Variants in SESN1 observed in about 807,000 individuals in gnomAD.
The protein encoded by SESN1 is sestrin-1.
Under a neutral mutation model 59.3 loss-of-function variants are expected in SESN1, and 30 were observed. The ratio of observed to expected loss-of-function variants is 0.51; its 90% CI spans 0.38 to 0.69. SESN1 has a LOEUF of 0.69. Among genes scored for constraint, SESN1 ranks in the 30% least tolerant of loss-of-function variants. The pLI is 0.00. For synonymous variants in SESN1, 197 were observed against 219.9 expected (o/e 0.90, Z 0.92); for missense variants, 566 against 673.0 (o/e 0.84, Z 1.76).
Position 109,003,715 on chromosome 6 carries a change from TA to T in SESN1, c.280-1373del, listed in dbSNP as rs149260263. 5.8e-3 allele frequency among the ~76,000 whole-genome samples: 890 copies of T among 152,332 alleles called. 8 individuals are homozygous for T. Among genetic ancestry groups the T allele is most frequent in the African/African-American group, 0.02 (835 of 41,574 alleles). ...TCTGGCCACGTGTGTGTCTCAATTT[TA>T]ACATCCTGTAATGAATGCCAGAGGA... On this transcript the variant is annotated intron_variant, in intron 1 of 9. Coordinates refer to ENST00000436639, the MANE Select transcript of SESN1 (RefSeq NM_014454.3).
Position 108,994,507 on chromosome 6 carries a change from G to A in SESN1, c.1075C>T (p.Arg359Cys). 6.2e-7 allele frequency: 1 copy of A among 1,612,674 alleles called. No homozygotes were observed. The highest frequency in any genetic ancestry group is 8.5e-7 in the Non-Finnish European group (1 of 1,179,296). Residue 359 changes from arginine (R) to cysteine (C), a missense_variant, in exon 6 of 10, where the codon CGT (arginine) becomes TGT (cysteine). By Grantham distance (180) the Arg-to-Cys change is radical. Transcript: ENST00000436639. Reference sequence around the variant, plus strand: ...CTCTCTCTTTTTTCTATTTCAAAACGTGAAGCCATCTCTTCCTGACTTGCC... The same window carrying A: ...CTCTCTCTTTTTTCTATTTCAAAACATGAAGCCATCTCTTCCTGACTTGCC... ...EEASQEEMAS[R>C]FEIEKRESMF... is the part of the protein sequence containing the mutation.
chr6:109,051,682 T>G (rs1347923843), intron 1 of SESN1, among the ~76,000 whole-genome samples: 1 of 152,248 alleles, frequency 6.6e-6, no homozygotes, highest in African/African-American at 2.4e-5. Flanking sequence ...CTCCATTTTG[T>G]GCCACTGTAA....
At chr6:109,059,930 G>A (rs1439550757) in intron 1 of SESN1, among the ~76,000 whole-genome samples, 1 of 152,138 alleles carries the variant, frequency 6.6e-6, no homozygotes, top group Non-Finnish European at 1.5e-5. Context: ...AACTCCACCA[G>A]AGGCAAAACA....
chr6:109,030,429 GAA>G (rs1384823908), intron 1 of SESN1, among the ~76,000 whole-genome samples: 3 of 152,168 alleles, frequency 2.0e-5, no homozygotes, highest in Non-Finnish European at 4.4e-5. Context: ...ATACCAAGGG[GAA>G]AAGACAGTAG....
Position 109,014,511 on chromosome 6 carries a change from T to C in SESN1, c.280-12168A>G, listed in dbSNP as rs554468546. On this transcript the variant is annotated intron_variant, in intron 1 of 9. Transcript: ENST00000436639. ...GTTGCTGCATTTACCGAATATATAT[T>C]TACAATTTTGATAACTGTGTATTCA... Among the ~76,000 whole-genome samples the C allele has an allele frequency of 2.2e-4, 34 of 152,320 alleles. No individual in the cohort carries two copies. The East Asian group carries it at 4.2e-3, about 19-fold the overall frequency.
chr6:109,053,046 ATGTGTGTGTGTG>A (rs148045407), intron 1 of SESN1, among the ~76,000 whole-genome samples: 2 of 147,330 alleles, frequency 1.4e-5, no homozygotes, highest in Non-Finnish European at 1.5e-5. Flanking sequence ...CAAGACTAGG[ATGTGTGTGTGTG>A]TGTGTGTGCG....
chr6:109,056,261 G>A (rs533591023), intron 1 of SESN1, among the ~76,000 whole-genome samples: 246 of 152,256 alleles, frequency 1.6e-3, no homozygotes, highest in Non-Finnish European at 3.0e-3. Flanking sequence ...TTAAAAATTA[G>A]CGAGGCATGG....
At chr6:109,083,865 G>C in intron 1 of SESN1, among the ~76,000 whole-genome samples, 1 of 152,230 alleles carries the variant, frequency 6.6e-6, no homozygotes, top group Non-Finnish European at 1.5e-5. Context: ...AATAGCATTT[G>C]AAAAATTACT....
chr6:108,990,111 A>G (rs565498094), intron 8 of SESN1, among the ~76,000 whole-genome samples: 2 of 152,352 alleles, frequency 1.3e-5, no homozygotes, highest in South Asian at 4.1e-4. Flanking sequence ...GTTTGTGTGC[A>G]TGTGTGAGAA....
chr6:108,998,406 CCA>C lies in SESN1; in HGVS notation c.972+105_972+106del, dbSNP rs1779542863. ...GAATAGATATAGGGGCCCAATATCT[CCA>C]CAGTCTTAACAGGGTGGGTTTTTCT... On this transcript the variant is annotated intron_variant, in intron 5 of 9. Coordinates refer to ENST00000436639, the MANE Select transcript of SESN1 (RefSeq NM_014454.3). The C allele has an allele frequency of 1.4e-5, 19 of 1,362,366 alleles. No homozygotes were observed. In the South Asian group the frequency reaches 2.0e-4, roughly 14 times the overall value. 84.4% of individuals were successfully genotyped at this position (1,362,366 alleles called of 1,614,324 possible).
intron 1 of SESN1, among the ~76,000 whole-genome samples, chr6:109,058,841 C>A (rs555520624): frequency 1.4e-5 from 2 of 144,414 alleles, no homozygotes; most frequent in East Asian, 4.3e-4. Flanking sequence ...GTCAGCAATT[C>A]TTGGCAAATA....
At position 108,984,898 on chromosome 6, in the gene SESN1, A is replaced by T. The variant is rs1314600784; in HGVS notation, c.*2646T>A. On this transcript the variant is annotated 3_prime_UTR_variant, in exon 10 of 10. Transcript: ENST00000436639. ...GGCTTTGCATTTGCCTAAATGCTGC[A>T]GTTTCCCAATTGGTTTCTAGAGTTC... 1.3e-5 allele frequency among the ~76,000 whole-genome samples: 2 copies of T among 152,100 alleles called. No individual in the cohort carries two copies. The highest frequency in any genetic ancestry group is 3.9e-4 in the East Asian group (2 of 5,172).
intron 1 of SESN1, among the ~76,000 whole-genome samples, chr6:109,087,813 T>A (rs1781238452): frequency 6.6e-6 from 1 of 152,230 alleles, no homozygotes; most frequent in Non-Finnish European, 1.5e-5. Flanking sequence ...GCTTCTAATC[T>A]AATCGGATCC....
intron 1 of SESN1, among the ~76,000 whole-genome samples, chr6:109,046,546 C>T (rs1234356863): frequency 2.8e-5 from 4 of 145,156 alleles, no homozygotes; most frequent in East Asian, 4.0e-4. Flanking sequence ...GGCCACCCAT[C>T]GTCTGGGATG....
intron 1 of SESN1, among the ~76,000 whole-genome samples, chr6:109,057,405 C>G (rs955042549): frequency 6.6e-6 from 1 of 152,232 alleles, no homozygotes; most frequent in East Asian, 1.9e-4. Context: ...AACATCACAC[C>G]GGCTCTGGAC....
intron 1 of SESN1, among the ~76,000 whole-genome samples, chr6:109,027,476 CA>C (rs57225616): frequency 0.076 from 2,071 of 27,256 alleles, 7 homozygotes; most frequent in African/African-American, 0.18. Context: ...GACTCTGTCT[CA>C]AAAAAAAAAA....
chr6:109,030,238 G>C (rs1350036107), intron 1 of SESN1, among the ~76,000 whole-genome samples: 1 of 152,140 alleles, frequency 6.6e-6, no homozygotes, highest in East Asian at 1.9e-4. Context: ...CCCGATCTAA[G>C]AATCTGGTCT....
intron 4 of SESN1, among the ~76,000 whole-genome samples, chr6:108,999,670 T>C (rs1408598740): frequency 6.6e-6 from 1 of 152,182 alleles, no homozygotes; most frequent in African/African-American, 2.4e-5. Flanking sequence ...GCTTCATTGC[T>C]GGTGGGAATG....
chr6:109,036,473 G>A (rs568941582), intron 1 of SESN1, among the ~76,000 whole-genome samples: 10 of 152,132 alleles, frequency 6.6e-5, no homozygotes, highest in African/African-American at 9.7e-5. Flanking sequence ...CCAGGAGAAT[G>A]AAAAAGAAAC....
Sources: gnomAD v4.1 joint callset for allele counts (sites outside exome capture counted in the v4.1 genomes callset) on GRCh38, gnomAD v4.1.1 for gene constraint, MANE v1.5 for transcripts, NCBI Gene and HGNC (gene_info 2026-07-23, HGNC 2026-07-21) for gene names.